The following ARMC8 variants were observed in gnomAD, a reference collection of about 807,000 sequenced individuals.
ARMC8 encodes armadillo repeat-containing protein 8.
In ARMC8, 20 loss-of-function variants were observed where a neutral mutation model predicts 99.3. That is an observed-to-expected ratio of 0.20 (90% CI 0.14 to 0.29). ARMC8 has a LOEUF of 0.29. ARMC8 is among the 10% of genes least tolerant of loss of function. ARMC8 has a pLI of 1.00. For synonymous variants in ARMC8, 263 were observed against 278.3 expected (o/e 0.95, Z 0.55); for missense variants, 569 against 809.5 (o/e 0.70, Z 3.60).
intron 1 of ARMC8, among the ~76,000 whole-genome samples, chr3:138,200,987 A>T (rs1269171905): frequency 8.0e-6 from 1 of 125,016 alleles, no homozygotes; most frequent in African/African-American, 3.2e-5. Flanking sequence ...ATCTTGGCTC[A>T]TTGTAGCCTC....
chr3:138,268,202 C>T (rs929524306), intron 15 of ARMC8, among the ~76,000 whole-genome samples: 1 of 152,040 alleles, frequency 6.6e-6, no homozygotes, highest in Admixed American at 6.6e-5. Flanking sequence ...GAGATCGCGC[C>T]ACTGCACTGC....
At chr3:138,226,883 T>C (rs2045726280) in intron 5 of ARMC8, among the ~76,000 whole-genome samples, 1 of 152,268 alleles carries the variant, frequency 6.6e-6, no homozygotes, top group Non-Finnish European at 1.5e-5. Context: ...ATCTAAATTA[T>C]GAAAGATTTC....
At chr3:138,228,777 G>C in intron 5 of ARMC8, 141 bp from the exon 6 acceptor site, 1 of 605,930 alleles carries the variant, frequency 1.7e-6, no homozygotes, top group Non-Finnish European at 3.1e-6. Context: ...CGTTGCTTTT[G>C]TTTTGCACTG....
chr3:138,205,060 C>CTTTTTTTTTTTTTTTTTT (rs71146118), intron 1 of ARMC8, among the ~76,000 whole-genome samples: 7 of 93,218 alleles, frequency 7.5e-5, no homozygotes, highest in African/African-American at 2.2e-4. Flanking sequence ...CTTTTCTTTT[C>CTTTTTTTTTTTTTTTTTT]TTTTTTTTTT....
chr3:138,261,817 A>G (rs2047772293), intron 12 of ARMC8: 1 of 152,218 alleles, frequency 6.6e-6, no homozygotes, highest in Non-Finnish European at 1.5e-5. Flanking sequence ...AGTAAAGAAA[A>G]CAGCAAAAGC....
At chr3:138,221,883 G>A (rs2045417296) in intron 2 of ARMC8, 43 bp from the exon 3 acceptor site, 1 of 1,448,732 alleles carries the variant, frequency 6.9e-7, no homozygotes, top group Non-Finnish European at 9.7e-7. Context: ...TTTTTCTTCA[G>A]TGCTGTCTCA....
At chr3:138,288,835 A>C (rs192881753) in intron 19 of ARMC8, among the ~76,000 whole-genome samples, 2 of 152,030 alleles carry the variant, frequency 1.3e-5, no homozygotes, top group East Asian at 3.9e-4. Context: ...ACAGGGTTTC[A>C]CTGTGTTAAT....
rs922722901 is a variant in ARMC8 at position 138,198,655 on chromosome 3, G to A, written c.45+11056G>A. On this transcript the variant is annotated intron_variant, in intron 1 of 21. Transcript: ENST00000469044. ...AGCCTCCTAAGTAGCTGGGACTGCA[G>A]GTGCGTGCCACCACACCCAGCTAAT... Among the ~76,000 whole-genome samples, 18 of 152,060 alleles carry A rather than the reference G, an allele frequency of 1.2e-4. No homozygotes were observed. In the East Asian group the frequency reaches 3.5e-3, roughly 29 times the overall value.
chr3:138,220,203 A>G (rs1013009623), intron 2 of ARMC8, among the ~76,000 whole-genome samples: 2 of 152,244 alleles, frequency 1.3e-5, no homozygotes, highest in Admixed American at 6.5e-5. Context: ...ACAGGCATCC[A>G]TGAGGATGCG....
rs1283471149 is a variant in ARMC8 at position 138,297,915 on chromosome 3, C to G, written c.*2023C>G. On this transcript the variant is annotated 3_prime_UTR_variant, in exon 22 of 22. Coordinates refer to ENST00000469044, the MANE Select transcript of ARMC8 (RefSeq NM_001363941.2). Reference sequence around the variant, plus strand: ...TGAATTGCTGAGACAATCTTGAACCCAAATAGCATTAGAAAGCTGAAGGCC... The same window carrying G: ...TGAATTGCTGAGACAATCTTGAACCGAAATAGCATTAGAAAGCTGAAGGCC... 6.6e-6 allele frequency: 1 copy of G among 152,192 alleles called. No individual in the cohort carries two copies. 9.4% of individuals were successfully genotyped at this position (152,192 alleles called of 1,614,324 possible). A position where few individuals can be genotyped will look rare whatever the true frequency, so the allele number is the denominator to read the frequency against.
intron 1 of ARMC8, among the ~76,000 whole-genome samples, chr3:138,189,375 T>C (rs901628318): frequency 2.6e-5 from 4 of 152,182 alleles, no homozygotes; most frequent in Non-Finnish European, 4.4e-5. Flanking sequence ...TAGGAGCTTT[T>C]GGATAAATGA....
At chr3:138,225,885 A>G (rs1410045973) in intron 5 of ARMC8, among the ~76,000 whole-genome samples, 1 of 152,248 alleles carries the variant, frequency 6.6e-6, no homozygotes, top group Non-Finnish European at 1.5e-5. Flanking sequence ...TCCTTCCTAC[A>G]TCAGACACAT....
chr3:138,207,172 A>G (rs2044418830), intron 1 of ARMC8, among the ~76,000 whole-genome samples: 1 of 152,008 alleles, frequency 6.6e-6, no homozygotes, highest in African/African-American at 2.4e-5. Flanking sequence ...ATCCTGGTAC[A>G]CTCTTACTCA....
At chr3:138,252,152 T>G (rs916383381) in intron 12 of ARMC8, among the ~76,000 whole-genome samples, 3 of 152,236 alleles carry the variant, frequency 2.0e-5, no homozygotes, top group Non-Finnish European at 4.4e-5. Context: ...ACCTACATTA[T>G]AATTTTGTAG....
chr3:138,234,803 A>G (rs2046245651), intron 6 of ARMC8, among the ~76,000 whole-genome samples: 15 of 152,182 alleles, frequency 9.9e-5, no homozygotes, highest in Admixed American at 9.8e-4. Context: ...CTATATTTCT[A>G]GGAGGTAAAG....
intron 11 of ARMC8, among the ~76,000 whole-genome samples, chr3:138,244,686 C>A (rs2046799636): frequency 6.6e-6 from 1 of 152,196 alleles, no homozygotes; most frequent in African/African-American, 2.4e-5. Flanking sequence ...AGGTTATCAG[C>A]TGTAGTCTGG....
intron 1 of ARMC8, among the ~76,000 whole-genome samples, chr3:138,204,810 A>G (rs2044270361): frequency 6.6e-6 from 1 of 152,158 alleles, no homozygotes; most frequent in South Asian, 2.1e-4. Flanking sequence ...GGTATCCAGG[A>G]TCACTCCCTT....
chr3:138,249,490 A>G (rs1186593366), intron 12 of ARMC8, among the ~76,000 whole-genome samples: 4 of 151,952 alleles, frequency 2.6e-5, no homozygotes, highest in Non-Finnish European at 4.4e-5. Flanking sequence ...TAGAGTTTTT[A>G]TCTTTCTAGA....
intron 1 of ARMC8, among the ~76,000 whole-genome samples, chr3:138,189,784 C>T (rs942905572): frequency 1.3e-5 from 2 of 152,318 alleles, no homozygotes; most frequent in Non-Finnish European, 2.9e-5. Context: ...CATTGCCAAC[C>T]TTGACTTTCT....
Sources: allele counts gnomAD v4.1 joint callset (sites outside exome capture counted in the v4.1 genomes callset), GRCh38; gene constraint gnomAD v4.1.1; transcripts MANE v1.5; gene names NCBI Gene and HGNC (gene_info 2026-07-23, HGNC 2026-07-21).